Variants in PRKN observed in about 807,000 individuals in gnomAD.
The protein encoded by PRKN is parkin RBR E3 ubiquitin protein ligase.
A neutral mutation model predicts 59.5 loss-of-function variants in PRKN; 56 were observed. That is an observed-to-expected ratio of 0.94 (90% CI 0.76 to 1.18). The LOEUF (loss-of-function observed/expected upper bound fraction) is 1.18. PRKN is among the 50% of genes most tolerant of loss of function. The pLI is 0.00. For missense variants in PRKN, 657 were observed against 596.4 expected, an observed-to-expected ratio of 1.10 and a Z score of -1.06; for synonymous variants, 250 against 222.1, an observed-to-expected ratio of 1.13 and a Z score of -1.12.
rs1035899781 is a variant in PRKN, at chr6:161,459,624, C to T, written c.1084-72747G>A. 6.6e-6 allele frequency among the ~76,000 whole-genome samples: 1 copy of T among 152,174 alleles called. No individual in the cohort carries two copies. Among genetic ancestry groups the T allele is most frequent in the Non-Finnish European group, 1.5e-5 (1 of 68,028 alleles). ...CTCTGAGATCCATCCTGCTGTCAGC[C>T]CTAGAACTCCCTCACAAGCAAGCTA... On this transcript the variant is annotated intron_variant, in intron 9 of 11. Coordinates refer to ENST00000366898, the MANE Select transcript of PRKN (RefSeq NM_004562.3). This position sits in a 1 kb window ranked among gnomAD's most constrained non-coding sequence, Gnocchi z 4.8.
At chr6:161,663,116 C>A (rs1784606263) in intron 7 of PRKN, among the ~76,000 whole-genome samples, 1 of 152,224 alleles carries the variant, frequency 6.6e-6, no homozygotes, top group South Asian at 2.1e-4. Flanking sequence ...TGACTTTGCT[C>A]CTCCTTTGCC....
At chr6:162,611,733 A>G (rs1782160350) in intron 1 of PRKN, among the ~76,000 whole-genome samples, 1 of 152,210 alleles carries the variant, frequency 6.6e-6, no homozygotes, top group South Asian at 2.1e-4. Flanking sequence ...TCAGGGACTG[A>G]CCACATCTTA....
At chr6:162,560,124 T>C (rs1323405970) in intron 1 of PRKN, among the ~76,000 whole-genome samples, 2 of 152,200 alleles carry the variant, frequency 1.3e-5, no homozygotes, top group African/African-American at 4.8e-5. Context: ...ATGACTTCTT[T>C]CCCCTACTAC....
intron 6 of PRKN, among the ~76,000 whole-genome samples, chr6:161,865,434 AT>A (rs139778019): frequency 6.6e-6 from 1 of 151,688 alleles, no homozygotes; most frequent in Non-Finnish European, 1.5e-5. Context: ...CCAGGAATCG[AT>A]TTTTTTTTAT....
At chr6:162,567,421 T>C (rs138450908) in intron 1 of PRKN, among the ~76,000 whole-genome samples, 1 of 152,248 alleles carries the variant, frequency 6.6e-6, no homozygotes, top group East Asian at 1.9e-4. Context: ...TTCAGTAGAG[T>C]TGCAGGACAC....
chr6:161,945,096 C>A (rs1224757008), intron 6 of PRKN, among the ~76,000 whole-genome samples: 1 of 129,586 alleles, frequency 7.7e-6, no homozygotes, highest in Non-Finnish European at 1.7e-5. Flanking sequence ...TTAAAGCCTA[C>A]TGAATATAAC....
intron 1 of PRKN, among the ~76,000 whole-genome samples, chr6:162,698,943 C>A (rs1266052515): frequency 6.6e-6 from 1 of 152,174 alleles, no homozygotes; most frequent in Non-Finnish European, 1.5e-5. Context: ...ATAGAGTTCA[C>A]AGAAACAACA....
chr6:162,117,246 G>C (rs1321595827), intron 4 of PRKN, among the ~76,000 whole-genome samples: 1 of 152,176 alleles, frequency 6.6e-6, no homozygotes, highest in Non-Finnish European at 1.5e-5. Context: ...AAATGGTTTT[G>C]CATCAGACAA....
chr6:162,368,244 G>C (rs1785557524), intron 2 of PRKN, among the ~76,000 whole-genome samples: 1 of 152,104 alleles, frequency 6.6e-6, no homozygotes, highest in Non-Finnish European at 1.5e-5. Context: ...TGTCTACACA[G>C]GTAAGAGAGT....
intron 1 of PRKN, among the ~76,000 whole-genome samples, chr6:162,604,232 C>T (rs1396417341): frequency 1.3e-5 from 2 of 152,176 alleles, no homozygotes; most frequent in African/African-American, 4.8e-5. Context: ...ATCTTAATTT[C>T]CACCTCAAAA....
chr6:162,357,045 C>T (rs1411815915), intron 2 of PRKN, among the ~76,000 whole-genome samples: 1 of 152,056 alleles, frequency 6.6e-6, no homozygotes, highest in Non-Finnish European at 1.5e-5. Context: ...ATAAGATCAT[C>T]TAGATGACCT....
chr6:162,529,754 C>T (rs1778433535), intron 1 of PRKN, among the ~76,000 whole-genome samples: 1 of 152,106 alleles, frequency 6.6e-6, no homozygotes, highest in African/African-American at 2.4e-5. Context: ...GGCAAGAATG[C>T]TACATCAACC....
At chr6:161,963,157 A>AAAAC (rs113748000) in intron 6 of PRKN, among the ~76,000 whole-genome samples, 5,939 of 151,888 alleles carry the variant, frequency 0.039, 373 homozygotes, top group African/African-American at 0.13. Context: ...TCTCAAAACA[A>AAAAC]AAACAAACAA....
chr6:161,500,307 C>T (rs1777913211), intron 9 of PRKN, among the ~76,000 whole-genome samples: 1 of 152,054 alleles, frequency 6.6e-6, no homozygotes, highest in Non-Finnish European at 1.5e-5. Flanking sequence ...TGTACATTGA[C>T]ACATCATCAC....
At chr6:161,873,553 G>A (rs1278955050) in intron 6 of PRKN, among the ~76,000 whole-genome samples, 1 of 151,780 alleles carries the variant, frequency 6.6e-6, no homozygotes, top group African/African-American at 2.4e-5. Flanking sequence ...GAGTCACACT[G>A]ACAGCCAGAA....
At chr6:162,154,389 T>C (rs1308969004) in intron 4 of PRKN, among the ~76,000 whole-genome samples, 1 of 152,176 alleles carries the variant, frequency 6.6e-6, no homozygotes, top group Non-Finnish European at 1.5e-5. Flanking sequence ...GGAAAATTCA[T>C]TTCAATTCAG....
At chr6:161,856,074 G>C (rs772571023) in intron 6 of PRKN, among the ~76,000 whole-genome samples, 2 of 152,172 alleles carry the variant, frequency 1.3e-5, no homozygotes, top group African/African-American at 2.4e-5. Flanking sequence ...TACGATCAAA[G>C]ATCTGCTAGG....
intron 3 of PRKN, among the ~76,000 whole-genome samples, chr6:162,243,903 C>T (rs979542021): frequency 6.6e-6 from 1 of 152,004 alleles, no homozygotes; most frequent in Non-Finnish European, 1.5e-5. Context: ...TATATGGTGC[C>T]ATCAATCTAT....
chr6:162,654,201 A>T (rs1778554571), intron 1 of PRKN, among the ~76,000 whole-genome samples: 1 of 152,176 alleles, frequency 6.6e-6, no homozygotes, highest in Non-Finnish European at 1.5e-5. Flanking sequence ...TTTGTGACAA[A>T]CTACTTTGCT....
Sources: allele counts gnomAD v4.1 joint callset (sites outside exome capture counted in the v4.1 genomes callset), GRCh38; gene constraint gnomAD v4.1.1; non-coding constraint Gnocchi (gnomAD v3.1); transcripts MANE v1.5; gene names NCBI Gene and HGNC (gene_info 2026-07-23, HGNC 2026-07-21).